TDRD3: variants seen among roughly 807,000 people sequenced by gnomAD.
TDRD3 encodes tudor domain containing 3, also known as tudor domain-containing protein 3.
Under a neutral mutation model 86.7 loss-of-function variants are expected in TDRD3, and 45 were observed. That is an observed-to-expected ratio of 0.52 (90% confidence interval 0.41 to 0.67). TDRD3 has a LOEUF of 0.67. Among genes scored for constraint, TDRD3 ranks in the 30% least tolerant of loss-of-function variants. TDRD3 has a pLI of 0.00. For missense variants in TDRD3, 814 were observed against 889.0 expected (o/e 0.92, Z 1.07); for synonymous variants, 298 against 301.7 (o/e 0.99, Z 0.13).
chr13:60,483,036 T>G (rs904913976), intron 5 of TDRD3, among the ~76,000 whole-genome samples: 4 of 152,102 alleles, frequency 2.6e-5, no homozygotes, highest in African/African-American at 9.7e-5. Flanking sequence ...TCCTGGAGAC[T>G]CCTTATGGGA....
chr13:60,470,771 C>T (rs796632134), intron 5 of TDRD3, among the ~76,000 whole-genome samples: 38 of 151,592 alleles, frequency 2.5e-4, no homozygotes, highest in African/African-American at 6.8e-4. Context: ...TTAGTAGAGA[C>T]GGGGTTTCAC....
intron 13 of TDRD3, 86 bp from the exon 14 acceptor site, chr13:60,573,530 A>G (rs1958634115): frequency 1.3e-6 from 1 of 786,456 alleles, no homozygotes; most frequent in Middle Eastern, 6.5e-4. Context: ...TTTACAGATA[A>G]GTTTCAGCAG....
intron 1 of TDRD3, among the ~76,000 whole-genome samples, chr13:60,408,649 G>A (rs1954289558): frequency 6.6e-6 from 1 of 152,178 alleles, no homozygotes; most frequent in South Asian, 2.1e-4. Flanking sequence ...ACTTGAGAGA[G>A]ATGATTTAAG....
chr13:60,478,160 A>C (rs1446950662), intron 5 of TDRD3, among the ~76,000 whole-genome samples: 1 of 152,170 alleles, frequency 6.6e-6, no homozygotes, highest in African/African-American at 2.4e-5. Context: ...GTCTGTGTGC[A>C]TAGAGATGTT....
intron 11 of TDRD3, among the ~76,000 whole-genome samples, chr13:60,534,154 T>G (rs988956474): frequency 6.6e-6 from 1 of 151,750 alleles, no homozygotes; most frequent in Non-Finnish European, 1.5e-5. Flanking sequence ...CTATGAAAAA[T>G]TTTTAAAAAT....
chr13:60,435,259 A>G (rs1594929809), intron 1 of TDRD3, among the ~76,000 whole-genome samples: 1 of 152,148 alleles, frequency 6.6e-6, no homozygotes. Flanking sequence ...AAAACCTTTT[A>G]TAGGCCTTAT....
At chr13:60,433,067 A>C (rs890086137) in intron 1 of TDRD3, among the ~76,000 whole-genome samples, 4 of 152,118 alleles carry the variant, frequency 2.6e-5, no homozygotes, top group African/African-American at 9.7e-5. Context: ...TTTGTGAAGA[A>C]TGTTTTCACT....
intron 5 of TDRD3, among the ~76,000 whole-genome samples, chr13:60,477,831 TTTG>T (rs1956219040): frequency 6.6e-6 from 1 of 152,294 alleles, no homozygotes; most frequent in Non-Finnish European, 1.5e-5. Flanking sequence ...CCTGAAGTTT[TTTG>T]TTGTTGTTGC....
intron 2 of TDRD3, among the ~76,000 whole-genome samples, chr13:60,443,943 T>C (rs1286530090): frequency 6.6e-6 from 1 of 151,976 alleles, no homozygotes; most frequent in Admixed American, 6.6e-5. Context: ...ACCATTCCTT[T>C]ATATTTTCAC....
intron 1 of TDRD3, among the ~76,000 whole-genome samples, chr13:60,431,722 A>G (rs1247392464): frequency 6.6e-6 from 1 of 150,974 alleles, no homozygotes; most frequent in Non-Finnish European, 1.5e-5. Flanking sequence ...AAAAAAAAAA[A>G]AAGGTGGAAC....
At chr13:60,560,585 A>G (rs1958310812) in intron 12 of TDRD3, among the ~76,000 whole-genome samples, 1 of 151,962 alleles carries the variant, frequency 6.6e-6, no homozygotes, top group South Asian at 2.1e-4. Context: ...ACAATGATGA[A>G]TAGTACTGTA....
intron 12 of TDRD3, among the ~76,000 whole-genome samples, chr13:60,543,564 T>C (rs1352823485): frequency 6.6e-6 from 1 of 152,172 alleles, no homozygotes; most frequent in Admixed American, 6.5e-5. Context: ...TAACTATTTG[T>C]TTTTATCTTT....
chr13:60,526,887 A>G (rs1595071213), intron 10 of TDRD3, among the ~76,000 whole-genome samples: 1 of 150,648 alleles, frequency 6.6e-6, no homozygotes, highest in Non-Finnish European at 1.5e-5. Context: ...CAGGCTGGAG[A>G]GCAGTGGCAC....
At chr13:60,408,792 A>G (rs939950659) in intron 1 of TDRD3, among the ~76,000 whole-genome samples, 1 of 152,188 alleles carries the variant, frequency 6.6e-6, no homozygotes, top group Non-Finnish European at 1.5e-5. Flanking sequence ...AAGTGATAGA[A>G]AAGAAAAACC....
In TDRD3 at chr13:60,472,072, T is replaced by G. The variant is rs1472493758; in HGVS notation, c.495+4693T>G. ...ATTTTTAGTTTGTCGTATATTTTTA[T>G]TATAAAAGTGTGTTTGGTTTTGTGA... On this transcript the variant is annotated intron_variant, in intron 5 of 13. Transcript: ENST00000377881. Among the ~76,000 whole-genome samples, 5 of 152,246 alleles carry G rather than the reference T, an allele frequency of 3.3e-5. No homozygotes were observed. The South Asian group carries it at 1.0e-3, about 32-fold the overall frequency.
rs528974723 is a variant in TDRD3, at chr13:60,516,702, A to G, written c.1141+5947A>G. Among the ~76,000 whole-genome samples, 141 of 152,336 alleles carry G rather than the reference A, an allele frequency of 9.3e-4. 1 individual carries two copies. The highest frequency in any genetic ancestry group is 3.2e-3 in the African/African-American group (132 of 41,574). On this transcript the variant is annotated intron_variant, in intron 10 of 13. Coordinates refer to ENST00000377881, the MANE Select transcript of TDRD3 (RefSeq NM_001146070.2). ...TTGGGAAGATCAAATTAGATAATGT[A>G]TATGAAGTGCTAAGCCTAGTGCTTG... is the stretch of plus-strand genomic sequence containing the variant.
Position 60,435,918 on chromosome 13 carries a change from G to GTTTTTTTTTTTTTTTTTT in TDRD3, c.42-3757_42-3756insTTTTTTTTTTTTTTTTTT, listed in dbSNP as rs767705603. Among the ~76,000 whole-genome samples the GTTTTTTTTTTTTTTTTTT allele has an allele frequency of 1.2e-3, 154 of 124,650 alleles. 1 individual carries two copies. Among genetic ancestry groups the GTTTTTTTTTTTTTTTTTT allele is most frequent in the African/African-American group, 2.9e-3 (110 of 37,368 alleles). The allele number at this position is 124,650 out of a possible 152,430, so 81.8% of individuals were successfully genotyped here. A position where few individuals can be genotyped will look rare whatever the true frequency, so the allele number is the denominator to read the frequency against. On this transcript the variant is annotated intron_variant, in intron 1 of 13. Coordinates refer to ENST00000377881, the MANE Select transcript of TDRD3 (RefSeq NM_001146070.2). ...AAACCACATCATGACAACATCTATG[G>GTTTTTTTTTTTTTTTTTT]TTTTTTTTTTTTTACTTTTTAATTA... is the stretch of plus-strand genomic sequence containing the variant.
chr13:60,507,031 C>CA lies in TDRD3; in HGVS notation c.859-2724dup, dbSNP rs1309671972. On this transcript the variant is annotated intron_variant, in intron 8 of 13. Transcript: ENST00000377881. ...GAATATTTACCAAGCAAATGGCAAGCAAAAAAAATGCAGGGGTTGCAATCC... is the reference window on the plus strand; with the variant it reads ...GAATATTTACCAAGCAAATGGCAAGCAAAAAAAAATGCAGGGGTTGCAATCC... Among the ~76,000 whole-genome samples, 7 of 151,156 alleles carry CA rather than the reference C, an allele frequency of 4.6e-5. No homozygotes were observed. The East Asian group carries it at 9.7e-4, about 21-fold the overall frequency.
chr13:60,455,334 A>T, intron 3 of TDRD3, among the ~76,000 whole-genome samples: 1 of 152,268 alleles, frequency 6.6e-6, no homozygotes, highest in Admixed American at 6.5e-5. Flanking sequence ...AGGCTTTTAA[A>T]GCAGCTATAG....
Sources: allele counts gnomAD v4.1 joint callset (sites outside exome capture counted in the v4.1 genomes callset), GRCh38; gene constraint gnomAD v4.1.1; transcripts MANE v1.5; gene names NCBI Gene and HGNC (gene_info 2026-07-23, HGNC 2026-07-21).